Variants in ZNF618 observed in about 807,000 individuals in gnomAD.
ZNF618 encodes neural precursor cell expressed, developmentally down-regulated 10.
In ZNF618, 34 loss-of-function variants were observed where a neutral mutation model predicts 103.0. The ratio of observed to expected loss-of-function variants is 0.33; its 90% CI spans 0.25 to 0.44. The LOEUF (loss-of-function observed/expected upper bound fraction) is 0.44, where lower values mean the gene tolerates loss of function less well. Among genes scored for constraint, ZNF618 ranks in the 20% least tolerant of loss-of-function variants. The pLI is 1.00. For synonymous variants in ZNF618, 551 were observed against 542.2 expected (o/e 1.02, Z -0.23); for missense variants, 1,059 against 1,295.4 (o/e 0.82, Z 2.80).
rs1382209703 is a variant in ZNF618, at chr9:114,035,093, G to A, written c.1169-1207G>A. ...TCGGATGCTCCCCACTCCTCTGAAA[G>A]CCCCATCTGGCTCACTGGTTATTAA... On this transcript the variant is annotated intron_variant, in intron 12 of 14. Transcript: ENST00000374126. 8.1e-6 allele frequency: 7 copies of A among 868,572 alleles called. No homozygotes were observed. The South Asian group carries it at 1.6e-4, about 20-fold the overall frequency. 53.8% of individuals were successfully genotyped at this position (868,572 alleles called of 1,614,324 possible).
In ZNF618 at chr9:114,049,671, A is replaced by G; in HGVS notation, c.2369A>G (p.Glu790Gly). 7 of 1,613,804 alleles carry G rather than the reference A, an allele frequency of 4.3e-6. No individual in the cohort carries two copies. Among genetic ancestry groups the G allele is most frequent in the Non-Finnish European group, 5.9e-6 (7 of 1,179,890 alleles). ...AGCAAGCTCTGCCACCTCTTCCTGG[A>G]GGCGCTCAAGGAGAACTTCAAGGTG... ...TVSKLCHLFLEALKENFKVHP... is the reference protein window; with the variant it reads ...TVSKLCHLFLGALKENFKVHP... Residue 790 changes from glutamate to glycine, a missense_variant, in exon 15 of 15, where the codon GAG becomes GGG. By Grantham distance (98) the Glu-to-Gly change is moderately conservative. This residue lies in a region of ZNF618 where 272 missense variants were observed against 380.1 expected (regional missense o/e 0.72). Coordinates refer to ENST00000374126, the MANE Select transcript of ZNF618 (RefSeq NM_001318042.2).
chr9:113,901,902 G>C (rs2131271126), intron 1 of ZNF618, among the ~76,000 whole-genome samples: 1 of 152,210 alleles, frequency 6.6e-6, no homozygotes, highest in South Asian at 2.1e-4. Context: ...GATACTAAGT[G>C]TGTCGCAGTG....
In ZNF618 at chr9:114,033,853, G is replaced by T. The variant is rs554697761; in HGVS notation, c.1168+1125G>T. Among the ~76,000 whole-genome samples, 4 of 151,164 alleles carry T rather than the reference G, an allele frequency of 2.6e-5. No homozygotes were observed. The South Asian group carries it at 8.3e-4, about 31-fold the overall frequency. The stretch of plus-strand genomic sequence containing the variant: ...GCCAGGCACTGGGCTGGGCACTACT[G>T]CCTGGGTGTGGACAGGTGACGAACA... On this transcript the variant is annotated intron_variant, in intron 12 of 14. Transcript: ENST00000374126.
At chr9:113,946,775 G>A (rs931281748) in intron 1 of ZNF618, among the ~76,000 whole-genome samples, 3 of 152,168 alleles carry the variant, frequency 2.0e-5, no homozygotes, top group African/African-American at 7.2e-5. Context: ...GGCAAGTTGG[G>A]GATCTCATGT....
At chr9:113,914,066 T>TC (rs1265327961) in intron 1 of ZNF618, among the ~76,000 whole-genome samples, 1 of 152,032 alleles carries the variant, frequency 6.6e-6, no homozygotes, top group Non-Finnish European at 1.5e-5. Context: ...GACCACCCTT[T>TC]CCCCCTCTAA....
chr9:113,987,991 T>C (rs1422257419), intron 2 of ZNF618, among the ~76,000 whole-genome samples: 1 of 152,136 alleles, frequency 6.6e-6, no homozygotes, highest in Non-Finnish European at 1.5e-5. Context: ...CACTTGTAAC[T>C]CCAGTTATGA....
At position 114,050,305 on chromosome 9, in the gene ZNF618, G is replaced by C; in HGVS notation, c.*138G>C. ...ATAAATGCCCCCTGGAAACTTAAGT[G>C]CTTTTTTTATATGTGTGTGTGTGCG... On this transcript the variant is annotated 3_prime_UTR_variant, in exon 15 of 15. Transcript: ENST00000374126. 9.3e-7 allele frequency: 1 copy of C among 1,075,412 alleles called. No individual in the cohort carries two copies. Among genetic ancestry groups the C allele is most frequent in the South Asian group, 1.7e-5 (1 of 59,448 alleles). The allele number at this position is 1,075,412 out of a possible 1,614,324, so 66.6% of individuals were successfully genotyped here. A position where few individuals can be genotyped will look rare whatever the true frequency, so the allele number is the denominator to read the frequency against.
At chr9:113,981,719 G>A (rs1044362584) in intron 2 of ZNF618, among the ~76,000 whole-genome samples, 4 of 152,228 alleles carry the variant, frequency 2.6e-5, no homozygotes, top group Admixed American at 6.5e-5. Context: ...GTCTTAGGCT[G>A]CAAGCTTTAG....
chr9:114,033,050 CTA>C (rs1844239239), intron 12 of ZNF618, among the ~76,000 whole-genome samples: 1 of 152,164 alleles, frequency 6.6e-6, no homozygotes, highest in Non-Finnish European at 1.5e-5. Flanking sequence ...AGAGCCACTG[CTA>C]TGTTTTTAGG....
At chr9:113,978,278 TTC>T (rs1440408422) in intron 2 of ZNF618, among the ~76,000 whole-genome samples, 5 of 152,224 alleles carry the variant, frequency 3.3e-5, no homozygotes, top group South Asian at 2.1e-4. Context: ...CTGCTCCATG[TTC>T]TCTCTCTCAG....
At chr9:114,019,566 T>G (rs1446733204) in intron 10 of ZNF618, among the ~76,000 whole-genome samples, 1 of 152,248 alleles carries the variant, frequency 6.6e-6, no homozygotes, top group Non-Finnish European at 1.5e-5. Context: ...CACTGTGGTG[T>G]TAATTTGTAT....
chr9:113,902,921 A>C (rs980545521), intron 1 of ZNF618, among the ~76,000 whole-genome samples: 13 of 152,118 alleles, frequency 8.5e-5, no homozygotes, highest in African/African-American at 3.1e-4. Flanking sequence ...CCTCACCCCA[A>C]ATAAAACTGC....
At position 114,032,958 on chromosome 9, in the gene ZNF618, C is replaced by G. The variant is rs940804052; in HGVS notation, c.1168+230C>G. ...GGCATCAGTGGACAATGCCTCCTCT[C>G]TGTCTCCCCCATGGAGAGAGCAACA... On this transcript the variant is annotated intron_variant, in intron 12 of 14. Coordinates refer to ENST00000374126, the MANE Select transcript of ZNF618 (RefSeq NM_001318042.2). Among the ~76,000 whole-genome samples the G allele has an allele frequency of 5.3e-5, 8 of 152,256 alleles. 1 individual carries two copies. The South Asian group carries it at 1.0e-3, about 20-fold the overall frequency.
chr9:113,912,315 TGATTAGGATGG>T (rs921824029), intron 1 of ZNF618, among the ~76,000 whole-genome samples: 20 of 152,134 alleles, frequency 1.3e-4, no homozygotes, highest in African/African-American at 2.9e-4. Flanking sequence ...CATTTAAATT[TGATTAGGATGG>T]GATTAGGATG....
chr9:113,876,366 C>T lies in ZNF618; in HGVS notation c.-15C>T. ...GAGCAGGACGCGCCGGGGCCGCCTCCTCCCGCACGGACCCATGAACCAGCC... is the reference window on the plus strand; with the variant it reads ...GAGCAGGACGCGCCGGGGCCGCCTCTTCCCGCACGGACCCATGAACCAGCC... On this transcript the variant is annotated 5_prime_UTR_variant, in exon 1 of 15. Coordinates refer to ENST00000374126, the MANE Select transcript of ZNF618 (RefSeq NM_001318042.2). The T allele has an allele frequency of 2.5e-6, 3 of 1,194,816 alleles. No homozygotes were observed. Among genetic ancestry groups the T allele is most frequent in the Non-Finnish European group, 3.1e-6 (3 of 966,404 alleles). 74.0% of individuals were successfully genotyped at this position (1,194,816 alleles called of 1,614,324 possible).
chr9:114,029,093 C>G, intron 11 of ZNF618, 121 bp downstream of exon 11: 3 of 1,386,828 alleles, frequency 2.2e-6, no homozygotes, highest in Admixed American at 4.8e-5. Context: ...CCGTAGTGAT[C>G]TGGGACAAAT....
At chr9:113,982,490 AG>A (rs1839065671) in intron 2 of ZNF618, among the ~76,000 whole-genome samples, 1 of 152,176 alleles carries the variant, frequency 6.6e-6, no homozygotes, top group Admixed American at 6.5e-5. Flanking sequence ...TACTGCATTT[AG>A]GGGCTACTCA....
chr9:113,883,794 T>G (rs1469141763), intron 1 of ZNF618, among the ~76,000 whole-genome samples: 1 of 152,136 alleles, frequency 6.6e-6, no homozygotes, highest in Non-Finnish European at 1.5e-5. Context: ...GGATGCCCCT[T>G]ACAGTAGATT....
chr9:114,045,486 C>A (rs1483283147), intron 13 of ZNF618, among the ~76,000 whole-genome samples: 6 of 151,968 alleles, frequency 3.9e-5, no homozygotes, highest in Non-Finnish European at 8.8e-5. Context: ...TATTTTCCCC[C>A]ATTGAATTGT....
Sources: allele counts gnomAD v4.1 joint callset (sites outside exome capture counted in the v4.1 genomes callset), GRCh38; gene constraint gnomAD v4.1.1; regional missense constraint gnomAD v4.1.1; transcripts MANE v1.5; gene names NCBI Gene and HGNC (gene_info 2026-07-23, HGNC 2026-07-21).